Variants in AP4S1 observed in about 807,000 individuals in gnomAD.
AP4S1 encodes adaptor related protein complex 4 subunit sigma 1, also known as AP-4 complex subunit sigma-1.
AP4S1 carries 23 observed loss-of-function variants against 19.8 expected under a neutral mutation model. That is an observed-to-expected ratio of 1.16 (90% CI 0.84 to 1.65). The LOEUF is 1.65. Ranked by LOEUF, AP4S1 falls within the 40% of genes most tolerant of loss-of-function variation. The pLI is 0.00. For missense variants in AP4S1, 166 were observed against 172.8 expected, an observed-to-expected ratio of 0.96 and a Z score of 0.22; for synonymous variants, 46 against 54.1, an observed-to-expected ratio of 0.85 and a Z score of 0.66.
rs574239986 is a variant in AP4S1, at chr14:31,068,102, A to G, written c.139-1741A>G. On this transcript the variant is annotated intron_variant, in intron 2 of 5. Transcript: ENST00000542754. ...AGGCTGGTCTTGAAATCCTGACCTC[A>G]GGTGAGCCACCCGCCTTGGCCTCCT... Among the ~76,000 whole-genome samples, 579 of 152,256 alleles carry G rather than the reference A, an allele frequency of 3.8e-3. 3 individuals carry two copies. Among genetic ancestry groups the G allele is most frequent in the Non-Finnish European group, 5.6e-3 (384 of 68,032 alleles).
At chr14:31,026,250 G>A in intron 1 of AP4S1, 1 of 1,347,048 alleles carries the variant, frequency 7.4e-7, no homozygotes, top group East Asian at 3.1e-5. Flanking sequence ...GGCCGGAGAG[G>A]GTGGCCCCGC....
intron 1 of AP4S1, among the ~76,000 whole-genome samples, chr14:31,048,432 A>G (rs1369850659): frequency 1.3e-5 from 2 of 152,064 alleles, no homozygotes; most frequent in Non-Finnish European, 2.9e-5. Flanking sequence ...TTTCTTAAAT[A>G]AAAATTCTAG....
At chr14:31,044,763 A>G (rs1424110674) in intron 1 of AP4S1, among the ~76,000 whole-genome samples, 1 of 151,924 alleles carries the variant, frequency 6.6e-6, no homozygotes, top group Admixed American at 6.6e-5. Context: ...ACCAGGCACT[A>G]TGCATTTAAT....
rs527975417 is a variant in AP4S1, at chr14:31,048,695, C to A, written c.-71-17431C>A. ...CAGAGTTTACAGTGAGCCAAGATTG[C>A]GTCATTGCACTCCAGCCTGGGTGAC... On this transcript the variant is annotated intron_variant, in intron 1 of 5. Coordinates refer to ENST00000542754, the MANE Select transcript of AP4S1 (RefSeq NM_001128126.3). Among the ~76,000 whole-genome samples, 12 of 152,176 alleles carry A rather than the reference C, an allele frequency of 7.9e-5. No homozygotes were observed. The East Asian group carries it at 1.9e-3, about 25-fold the overall frequency.
intron 4 of AP4S1, 111 bp from the exon 5 acceptor site, chr14:31,080,462 G>C: frequency 1.2e-6 from 1 of 869,142 alleles, no homozygotes; most frequent in Non-Finnish European, 1.9e-6. Flanking sequence ...CCAGAAGCAG[G>C]TAGGAGAGGC....
At chr14:31,057,154 C>G (rs761236700) in intron 1 of AP4S1, among the ~76,000 whole-genome samples, 1 of 152,156 alleles carries the variant, frequency 6.6e-6, no homozygotes, top group Non-Finnish European at 1.5e-5. Flanking sequence ...AGATTAAAGA[C>G]AGCATTGTAG....
At chr14:31,027,762 A>G (rs1033912285) in intron 1 of AP4S1, among the ~76,000 whole-genome samples, 1 of 152,234 alleles carries the variant, frequency 6.6e-6, no homozygotes, top group African/African-American at 2.4e-5. Flanking sequence ...TTAGTTTCCT[A>G]GAAAATATCC....
chr14:31,025,675 G>A lies in AP4S1; in HGVS notation c.-184G>A, dbSNP rs1883809296. 3.0e-6 allele frequency: 2 copies of A among 660,486 alleles called. No individual in the cohort carries two copies. The highest frequency in any genetic ancestry group is 3.1e-5 in the East Asian group (1 of 31,784). 40.9% of individuals were successfully genotyped at this position (660,486 alleles called of 1,614,324 possible). ...CTAAAAGCCAAAATGGCTGCCCCGA[G>A]GAGGCCCGCACCGCGTAGCCAGTGA... On this transcript the variant is annotated 5_prime_UTR_variant, in exon 1 of 6. Coordinates refer to ENST00000542754, the MANE Select transcript of AP4S1 (RefSeq NM_001128126.3).
chr14:31,060,699 C>T (rs1186847323), intron 1 of AP4S1, among the ~76,000 whole-genome samples: 1 of 152,190 alleles, frequency 6.6e-6, no homozygotes, highest in African/African-American at 2.4e-5. Flanking sequence ...GGGACCCACC[C>T]TCTATTGTGG....
At chr14:31,025,865 A>G in intron 1 of AP4S1, 78 bp downstream of exon 1, 6 of 1,576,742 alleles carry the variant, frequency 3.8e-6, no homozygotes, top group East Asian at 2.4e-5. Flanking sequence ...CCGGGAACCC[A>G]GCCGCCGCAG....
chr14:31,048,616 G>A lies in AP4S1; in HGVS notation c.-71-17510G>A, dbSNP rs551976626. On this transcript the variant is annotated intron_variant, in intron 1 of 5. Transcript: ENST00000542754. Reference sequence around the variant, plus strand: ...TAGCTGGGCGTGGTGGCACATTCCCGTAATCCCAGCTACTTGGGAGGCTGA... The same window carrying A: ...TAGCTGGGCGTGGTGGCACATTCCCATAATCCCAGCTACTTGGGAGGCTGA... Among the ~76,000 whole-genome samples the A allele has an allele frequency of 9.9e-5, 15 of 152,112 alleles. No individual in the cohort carries two copies. In the South Asian group the frequency reaches 1.0e-3, roughly 11 times the overall value.
chr14:31,052,197 G>C (rs754220533), intron 1 of AP4S1, among the ~76,000 whole-genome samples: 7 of 151,964 alleles, frequency 4.6e-5, no homozygotes, highest in Non-Finnish European at 1.0e-4. Flanking sequence ...CCTGAACCAG[G>C]GGACATCGAG....
At chr14:31,027,907 A>G (rs1884130194) in intron 1 of AP4S1, among the ~76,000 whole-genome samples, 1 of 152,234 alleles carries the variant, frequency 6.6e-6, no homozygotes, top group Non-Finnish European at 1.5e-5. Flanking sequence ...AATTGCATTG[A>G]AAATTTGTTA....
Position 31,059,003 on chromosome 14 carries a change from T to C in AP4S1, c.-71-7123T>C, listed in dbSNP as rs557132471. Among the ~76,000 whole-genome samples, 190 of 152,296 alleles carry C rather than the reference T, an allele frequency of 1.2e-3. 1 individual carries two copies. Among genetic ancestry groups the C allele is most frequent in the African/African-American group, 4.2e-3 (173 of 41,574 alleles). On this transcript the variant is annotated intron_variant, in intron 1 of 5. Transcript: ENST00000542754. Reference sequence around the variant, plus strand: ...ACCTCAGTTTCATAATTATTTCATCTCCCTCCTCCTTGATGATTAATAACC... The same window carrying C: ...ACCTCAGTTTCATAATTATTTCATCCCCCTCCTCCTTGATGATTAATAACC...
intron 5 of AP4S1, among the ~76,000 whole-genome samples, chr14:31,091,525 C>CTTTT (rs370922349): frequency 7.1e-6 from 1 of 141,642 alleles, no homozygotes; most frequent in African/African-American, 2.6e-5. Flanking sequence ...CAGAATAACG[C>CTTTT]TTTTTTTTTT....
In AP4S1 at chr14:31,035,912, G is replaced by A. The variant is rs377621193; in HGVS notation, c.-72+10125G>A. Among the ~76,000 whole-genome samples, 246 of 151,116 alleles carry A rather than the reference G, an allele frequency of 1.6e-3. 9 individuals carry two copies. The South Asian group carries it at 0.048, about 29-fold the overall frequency. ...GGCCCGGCTAATTTTTTGTATTTTTGGTAGAGACGGGGTTTCACCATGTTA... is the reference window on the plus strand; with the variant it reads ...GGCCCGGCTAATTTTTTGTATTTTTAGTAGAGACGGGGTTTCACCATGTTA... On this transcript the variant is annotated intron_variant, in intron 1 of 5. Coordinates refer to ENST00000542754, the MANE Select transcript of AP4S1 (RefSeq NM_001128126.3).
intron 1 of AP4S1, chr14:31,026,265 G>C (rs1883921770): frequency 2.3e-6 from 3 of 1,314,228 alleles, no homozygotes; most frequent in Non-Finnish European, 2.9e-6. Context: ...CCCCGCGCTG[G>C]CTGCGGGGCG....
chr14:31,026,539 C>T (rs1883968061), intron 1 of AP4S1: 1 of 209,394 alleles, frequency 4.8e-6, no homozygotes, highest in Non-Finnish European at 9.5e-6. Context: ...CCGGCCTCAC[C>T]CTACGCCGGC....
intron 1 of AP4S1, among the ~76,000 whole-genome samples, chr14:31,050,246 C>T (rs981707597): frequency 3.3e-5 from 5 of 151,730 alleles, no homozygotes; most frequent in African/African-American, 7.3e-5. Flanking sequence ...TTAGTAGAAA[C>T]GGTTTCACCA....
Sources: gnomAD v4.1 joint callset for allele counts (sites outside exome capture counted in the v4.1 genomes callset) on GRCh38, gnomAD v4.1.1 for gene constraint, MANE v1.5 for transcripts, NCBI Gene and HGNC (gene_info 2026-07-23, HGNC 2026-07-21) for gene names.